The following EPHA7 variants were observed in gnomAD, a reference collection of about 807,000 sequenced individuals.
The protein encoded by EPHA7 is EPH receptor A7.
Under a neutral mutation model 112.6 loss-of-function variants are expected in EPHA7, and 25 were observed. The ratio of observed to expected loss-of-function variants is 0.22; its 90% CI spans 0.16 to 0.31. The LOEUF (loss-of-function observed/expected upper bound fraction) is 0.31. EPHA7 is among the 10% of genes least tolerant of loss of function. The pLI is 1.00. For missense variants in EPHA7, 962 were observed against 1,212.6 expected, an observed-to-expected ratio of 0.79 and a Z score of 3.07; for synonymous variants, 437 against 406.5, an observed-to-expected ratio of 1.07 and a Z score of -0.90.
intron 3 of EPHA7, among the ~76,000 whole-genome samples, chr6:93,401,983 T>C (rs534698291): frequency 6.6e-6 from 1 of 152,036 alleles, no homozygotes; most frequent in Admixed American, 6.6e-5. Context: ...AATGCAAAAT[T>C]TTAAGGCATA....
At chr6:93,333,960 G>T (rs1471886156) in intron 5 of EPHA7, among the ~76,000 whole-genome samples, 1 of 151,736 alleles carries the variant, frequency 6.6e-6, no homozygotes, top group Admixed American at 6.6e-5. Flanking sequence ...AAATTCATAT[G>T]AACCAAAAAA....
chr6:93,374,150 A>G (rs920906718), intron 3 of EPHA7, among the ~76,000 whole-genome samples: 1 of 152,132 alleles, frequency 6.6e-6, no homozygotes, highest in African/African-American at 2.4e-5. Flanking sequence ...GAAGGAGTAC[A>G]CTATGTAGTG....
chr6:93,295,365 A>AT (rs202219525), intron 5 of EPHA7, among the ~76,000 whole-genome samples: 1 of 151,544 alleles, frequency 6.6e-6, no homozygotes, highest in Non-Finnish European at 1.5e-5. Context: ...ATTGCTCTCC[A>AT]TTTTGGTAGT....
intron 3 of EPHA7, among the ~76,000 whole-genome samples, chr6:93,372,771 G>A (rs1776864139): frequency 6.6e-6 from 1 of 152,060 alleles, no homozygotes; most frequent in Non-Finnish European, 1.5e-5. Context: ...AAAGCATTGT[G>A]CTTGCAGCTA....
Position 93,241,644 on chromosome 6 carries a change from G to A in EPHA7, c.*1782C>T. The A allele has an allele frequency of 4.5e-6, 1 of 223,774 alleles. No homozygotes were observed. Among genetic ancestry groups the A allele is most frequent in the Non-Finnish European group, 8.9e-6 (1 of 111,824 alleles). 13.9% of individuals were successfully genotyped at this position (223,774 alleles called of 1,614,324 possible). A position where few individuals can be genotyped will look rare whatever the true frequency, so the allele number is the denominator to read the frequency against. On this transcript the variant is annotated 3_prime_UTR_variant, in exon 17 of 17. Coordinates refer to ENST00000369303, the MANE Select transcript of EPHA7 (RefSeq NM_004440.4). ...TAAAACCAAAAAAAAAGGGTGGGGA[G>A]GGGTTTGGGAAGCAATCCATTTGAG...
chr6:93,303,212 T>G (rs1288044036), intron 5 of EPHA7, among the ~76,000 whole-genome samples: 1 of 152,166 alleles, frequency 6.6e-6, no homozygotes, highest in Non-Finnish European at 1.5e-5. Context: ...GAAGTTATAC[T>G]GAACACTCCT....
intron 5 of EPHA7, 81 bp from the exon 6 acceptor site, chr6:93,272,503 A>G: frequency 6.5e-7 from 1 of 1,539,936 alleles, no homozygotes; most frequent in Non-Finnish European, 8.9e-7. Context: ...GATCAGTCCC[A>G]TGCTGTGCCA....
chr6:93,270,757 T>A (rs1378986658), intron 6 of EPHA7, among the ~76,000 whole-genome samples: 2 of 151,762 alleles, frequency 1.3e-5, no homozygotes, highest in Non-Finnish European at 2.9e-5. Flanking sequence ...TAATCATTTA[T>A]AAAAATGATA....
intron 13 of EPHA7, among the ~76,000 whole-genome samples, chr6:93,255,261 T>C (rs960978741): frequency 1.3e-5 from 2 of 152,068 alleles, no homozygotes; most frequent in African/African-American, 4.8e-5. Flanking sequence ...GGCAGGAGCA[T>C]TGCTTGAACC....
At chr6:93,409,302 G>C (rs1318856778) in intron 3 of EPHA7, among the ~76,000 whole-genome samples, 1 of 151,990 alleles carries the variant, frequency 6.6e-6, no homozygotes, top group East Asian at 1.9e-4. Flanking sequence ...AGGCTCTAAA[G>C]TCAGAATATC....
chr6:93,401,827 A>G (rs1358974203), intron 3 of EPHA7, among the ~76,000 whole-genome samples: 2 of 152,006 alleles, frequency 1.3e-5, no homozygotes, highest in Non-Finnish European at 1.5e-5. Context: ...AGAGAAAAAT[A>G]TCAAATATAT....
At chr6:93,260,149 G>T (rs1366401810) in intron 9 of EPHA7, among the ~76,000 whole-genome samples, 1 of 151,724 alleles carries the variant, frequency 6.6e-6, no homozygotes, top group East Asian at 1.9e-4. Flanking sequence ...CAATATTCCT[G>T]GGATCTGTTA....
intron 3 of EPHA7, among the ~76,000 whole-genome samples, chr6:93,372,232 T>C (rs993979855): frequency 6.6e-6 from 1 of 152,126 alleles, no homozygotes; most frequent in Non-Finnish European, 1.5e-5. Flanking sequence ...ATCTGATGCT[T>C]GAACATTTCC....
chr6:93,349,714 T>C (rs758250510), intron 5 of EPHA7, among the ~76,000 whole-genome samples: 62 of 151,824 alleles, frequency 4.1e-4, no homozygotes, highest in Non-Finnish European at 8.4e-4. Flanking sequence ...TCCTTTAAAA[T>C]ATAAATCAAT....
intron 5 of EPHA7, among the ~76,000 whole-genome samples, chr6:93,276,086 T>C (rs1582431395): frequency 6.6e-6 from 1 of 152,044 alleles, no homozygotes; most frequent in Non-Finnish European, 1.5e-5. Context: ...AAGATGTCTA[T>C]ACCCTAATCT....
chr6:93,311,331 A>C (rs1187167793), intron 5 of EPHA7, among the ~76,000 whole-genome samples: 1 of 151,636 alleles, frequency 6.6e-6, no homozygotes, highest in Admixed American at 6.6e-5. Flanking sequence ...AAACCTTGCC[A>C]CTGCTTTATC....
chr6:93,251,442 C>T (rs1770205033), intron 14 of EPHA7, among the ~76,000 whole-genome samples: 1 of 151,134 alleles, frequency 6.6e-6, no homozygotes, highest in African/African-American at 2.4e-5. Context: ...ATTTACTGGC[C>T]TAGTTTTATA....
At chr6:93,289,327 G>A (rs1772230386) in intron 5 of EPHA7, among the ~76,000 whole-genome samples, 1 of 152,008 alleles carries the variant, frequency 6.6e-6, no homozygotes, top group Non-Finnish European at 1.5e-5. Flanking sequence ...TAATTTTTTT[G>A]ATAATTTTTA....
Position 93,410,005 on chromosome 6 carries a change from A to G in EPHA7, c.832+496T>C, listed in dbSNP as rs912540323. Reference sequence around the variant, plus strand: ...TTTGTATTAAAGTTATAGTATTTATATAAGATAATTCTAAAAGTTTGTAAA... The same window carrying G: ...TTTGTATTAAAGTTATAGTATTTATGTAAGATAATTCTAAAAGTTTGTAAA... On this transcript the variant is annotated intron_variant, in intron 3 of 16. Transcript: ENST00000369303. This position sits in a 1 kb window ranked among gnomAD's most constrained non-coding sequence, Gnocchi z 4.0. 4.0e-5 allele frequency: 6 copies of G among 151,368 alleles called. No individual in the cohort carries two copies. Among genetic ancestry groups the G allele is most frequent in the African/African-American group, 1.5e-4 (6 of 40,676 alleles). The allele number at this position is 151,368 out of a possible 1,614,324, so 9.4% of individuals were successfully genotyped here. A position where few individuals can be genotyped will look rare whatever the true frequency, so the allele number is the denominator to read the frequency against.
Sources: allele counts gnomAD v4.1 joint callset (sites outside exome capture counted in the v4.1 genomes callset), GRCh38; gene constraint gnomAD v4.1.1; non-coding constraint Gnocchi (gnomAD v3.1); transcripts MANE v1.5; gene names NCBI Gene and HGNC (gene_info 2026-07-23, HGNC 2026-07-21).